The following CPS1 variants were observed in gnomAD, a reference collection of about 807,000 sequenced individuals.
CPS1 encodes the protein carbamoyl-phosphate synthase 1.
A neutral mutation model predicts 174.6 loss-of-function variants in CPS1; 109 were observed. That is an observed-to-expected ratio of 0.62 (90% confidence interval 0.53 to 0.73). The LOEUF (loss-of-function observed/expected upper bound fraction) is 0.73, where lower values mean the gene tolerates loss of function less well. CPS1 is among the 30% of genes least tolerant of loss of function. CPS1 has a pLI of 0.00. For synonymous variants in CPS1, 637 were observed against 632.0 expected, an observed-to-expected ratio of 1.01 and a Z score of -0.12; for missense variants, 1,689 against 1,821.9, an observed-to-expected ratio of 0.93 and a Z score of 1.33.
chr2:210,564,851 G>C (rs1330888856), intron 1 of CPS1, among the ~76,000 whole-genome samples: 1 of 151,960 alleles, frequency 6.6e-6, no homozygotes, highest in Non-Finnish European at 1.5e-5. Flanking sequence ...AATTAGCTGG[G>C]TGTGGTGGCG....
intron 13 of CPS1, among the ~76,000 whole-genome samples, chr2:210,597,389 C>T (rs1428509745): frequency 6.6e-6 from 1 of 151,770 alleles, no homozygotes; most frequent in African/African-American, 2.4e-5. Context: ...GCTATGTGAC[C>T]TTTAGCAAAC....
chr2:210,520,984 T>C (rs1333560924), intron 1 of CPS1, among the ~76,000 whole-genome samples: 1 of 152,070 alleles, frequency 6.6e-6, no homozygotes, highest in Non-Finnish European at 1.5e-5. Flanking sequence ...TAGTGGATCA[T>C]GCGGTGAGTG....
intron 30 of CPS1, chr2:210,658,394 C>T (rs1700794259): frequency 3.9e-6 from 2 of 514,958 alleles, no homozygotes; most frequent in South Asian, 4.2e-5. Context: ...TGTTCTTTTC[C>T]TATTATTTTG....
intron 1 of CPS1, among the ~76,000 whole-genome samples, chr2:210,483,636 G>T (rs1437368957): frequency 6.6e-6 from 1 of 151,972 alleles, no homozygotes; most frequent in African/African-American, 2.4e-5. Flanking sequence ...GGGTCCTCTC[G>T]TAACTCCCAC....
At chr2:210,517,949 A>G (rs1016182729) in intron 1 of CPS1, among the ~76,000 whole-genome samples, 1 of 152,010 alleles carries the variant, frequency 6.6e-6, no homozygotes, top group Non-Finnish European at 1.5e-5. Flanking sequence ...GACCCAGGCC[A>G]TTATACATGC....
chr2:210,497,847 A>T lies in CPS1; in HGVS notation c.3+20081A>T, dbSNP rs1695029559. On this transcript the variant is annotated intron_variant, in intron 1 of 38. Coordinates refer to the CPS1 transcript ENST00000430249. ...TTGCTATTCTGAAGAGTGCTGCAAT[A>T]AATATGTGCATGCATGTGTCTTTTT... Among the ~76,000 whole-genome samples, 3 of 143,532 alleles carry T rather than the reference A, an allele frequency of 2.1e-5. No homozygotes were observed. The South Asian group carries it at 6.8e-4, about 33-fold the overall frequency. 94.2% of individuals were successfully genotyped at this position (143,532 alleles called of 152,430 possible). A position where few individuals can be genotyped will look rare whatever the true frequency, so the allele number is the denominator to read the frequency against.
intron 23 of CPS1, among the ~76,000 whole-genome samples, chr2:210,639,760 CA>C (rs1163940071): frequency 6.6e-6 from 1 of 150,682 alleles, no homozygotes; most frequent in East Asian, 2.0e-4. Flanking sequence ...CATGATCATA[CA>C]ATTATGCTAT....
intron 28 of CPS1, 44 bp downstream of exon 28, chr2:210,650,482 CATGTAGTGACATTTATCTCTTAATAAA>C (rs1483269653): frequency 8.6e-5 from 108 of 1,262,868 alleles, no homozygotes; most frequent in Non-Finnish European, 1.1e-4. Flanking sequence ...TCTTAATAAA[CATGTAGTGACATTTATCTCTTAATAAA>C]ATGTAGTGAC....
intron 1 of CPS1, among the ~76,000 whole-genome samples, chr2:210,481,872 CCAGCTGGTT>C (rs1460203429): frequency 6.6e-6 from 1 of 152,220 alleles, no homozygotes; most frequent in African/African-American, 2.4e-5. Flanking sequence ...CTTCAAGAAT[CCAGCTGGTT>C]CATCCTGTGA....
intron 21 of CPS1, among the ~76,000 whole-genome samples, chr2:210,634,166 C>T (rs1327951897): frequency 1.1e-4 from 17 of 152,200 alleles, no homozygotes; most frequent in Non-Finnish European, 2.5e-4. Context: ...CGCGGTGGCT[C>T]ACGCCTGTAA....
chr2:210,521,947 A>G (rs1433533081), intron 1 of CPS1, among the ~76,000 whole-genome samples: 1 of 151,956 alleles, frequency 6.6e-6, no homozygotes, highest in Admixed American at 6.6e-5. Flanking sequence ...ACTTGGTAAC[A>G]GTTTGAGCCT....
intron 1 of CPS1, among the ~76,000 whole-genome samples, chr2:210,570,607 A>G (rs573983798): frequency 6.6e-6 from 1 of 152,108 alleles, no homozygotes; most frequent in African/African-American, 2.4e-5. Flanking sequence ...AAAACTATTG[A>G]AATTTACAGT....
chr2:210,654,029 A>G lies in CPS1; in HGVS notation c.3485A>G (p.His1162Arg). 6.2e-7 allele frequency: 1 copy of G among 1,613,978 alleles called. No homozygotes were observed. Among genetic ancestry groups the G allele is most frequent in the Non-Finnish European group, 8.5e-7 (1 of 1,179,814 alleles). The change falls in exon 29 of 38, where the codon CAC (histidine) becomes CGC (arginine). Residue 1162 changes from histidine to arginine, a missense_variant. By Grantham distance (29) the His-to-Arg change is conservative. Coordinates refer to ENST00000233072, the MANE Select transcript of CPS1 (RefSeq NM_001875.5). ...CTCTGTTTTCCTTCGTGACAGGAGC[A>G]CCCAGTGGTGCTGACAAAATTTGTT... ...LEEATRVSQE[H>R]PVVLTKFVEG...
At chr2:210,553,015 A>G (rs993452721), upstream of CPS1, among the ~76,000 whole-genome samples, 5 of 152,030 alleles carry the variant, frequency 3.3e-5, no homozygotes, top group African/African-American at 1.2e-4. Flanking sequence ...GTAGGTGAGT[A>G]CACTCTCTTT....
chr2:210,667,792 A>T (rs1488993381), intron 33 of CPS1, among the ~76,000 whole-genome samples: 1 of 152,190 alleles, frequency 6.6e-6, no homozygotes, highest in African/African-American at 2.4e-5. Context: ...ACTGTTATTT[A>T]AACAGTAAGT....
At chr2:210,546,689 T>C (rs1205631079) in intron 1 of CPS1, among the ~76,000 whole-genome samples, 2 of 152,240 alleles carry the variant, frequency 1.3e-5, no homozygotes, top group East Asian at 1.9e-4. Context: ...TTATTCTTTA[T>C]AGTTTTTCTC....
At chr2:210,564,272 C>A (rs1697207122) in intron 1 of CPS1, among the ~76,000 whole-genome samples, 1 of 151,932 alleles carries the variant, frequency 6.6e-6, no homozygotes, top group Non-Finnish European at 1.5e-5. Context: ...TTATATGTAA[C>A]CCCCCCTCAC....
chr2:210,616,906 T>A (rs895744544), intron 21 of CPS1, among the ~76,000 whole-genome samples: 2 of 152,010 alleles, frequency 1.3e-5, no homozygotes, highest in African/African-American at 2.4e-5. Flanking sequence ...TTGTTTTCTA[T>A]AAATTTTCCT....
chr2:210,600,389 G>A lies in CPS1; in HGVS notation c.1550-166G>A, dbSNP rs9288418. ...CATCAGTAACATATTTTGTCAGACC[G>A]TCTTCAGAATTTTTATTTCAATTTT... On this transcript the variant is annotated intron_variant, in intron 14 of 37. Coordinates refer to ENST00000233072, the MANE Select transcript of CPS1 (RefSeq NM_001875.5). 0.31 allele frequency among the ~76,000 whole-genome samples: 47,368 copies of A among 151,652 alleles called. 7,913 individuals carry two copies. The highest frequency in any genetic ancestry group is 0.4 in the Middle Eastern group (118 of 294).
Sources: gnomAD v4.1 joint callset for allele counts (sites outside exome capture counted in the v4.1 genomes callset) on GRCh38, gnomAD v4.1.1 for gene constraint, MANE v1.5 for transcripts, NCBI Gene and HGNC (gene_info 2026-07-23, HGNC 2026-07-21) for gene names.